GRIP1: variants seen among roughly 807,000 people sequenced by gnomAD.
The protein encoded by GRIP1 is glutamate receptor interacting protein 1.
In GRIP1, 45 loss-of-function variants were observed where a neutral mutation model predicts 129.9. The observed-to-expected ratio is 0.35, with a 90% CI of 0.27 to 0.44. The LOEUF is 0.44. GRIP1 is among the 20% of genes least tolerant of loss of function. GRIP1 has a pLI of 1.00. For synonymous variants in GRIP1, 530 were observed against 520.8 expected (o/e 1.02, Z -0.24); for missense variants, 1,196 against 1,396.8 (o/e 0.86, Z 2.29).
At chr12:66,449,736 T>C (rs2058725302) in intron 11 of GRIP1, among the ~76,000 whole-genome samples, 1 of 152,234 alleles carries the variant, frequency 6.6e-6, no homozygotes, top group Non-Finnish European at 1.5e-5. Context: ...AATAAGGATC[T>C]GGAGAGTATG....
intron 1 of GRIP1, among the ~76,000 whole-genome samples, chr12:66,785,343 C>T (rs5008779): frequency 0.18 from 12,981 of 70,946 alleles, 1,526 homozygotes; most frequent in Middle Eastern, 0.21. Flanking sequence ...TACATACATA[C>T]ATATATATAT....
intron 24 of GRIP1, among the ~76,000 whole-genome samples, chr12:66,352,215 G>A (rs182946401): frequency 3.3e-5 from 5 of 152,252 alleles, no homozygotes; most frequent in Admixed American, 6.5e-5. Flanking sequence ...GTTGTACTGC[G>A]AACCAAGAAA....
chr12:66,743,588 C>CTT (rs150045918), intron 1 of GRIP1, among the ~76,000 whole-genome samples: 10 of 128,676 alleles, frequency 7.8e-5, no homozygotes, highest in East Asian at 2.5e-4. Context: ...CGTAAATAGG[C>CTT]TTTTTTTTTG....
At chr12:66,929,520 G>C (rs1008184447) in intron 1 of GRIP1, among the ~76,000 whole-genome samples, 1 of 152,112 alleles carries the variant, frequency 6.6e-6, no homozygotes, top group Non-Finnish European at 1.5e-5. Flanking sequence ...ACCAAAATTG[G>C]AGGTTCACAT....
chr12:66,770,862 G>A (rs1169406890), intron 1 of GRIP1, among the ~76,000 whole-genome samples: 1 of 152,130 alleles, frequency 6.6e-6, no homozygotes, highest in East Asian at 1.9e-4. Context: ...TTGGGAGGCC[G>A]AGGCAGGTGG....
chr12:66,660,170 G>A (rs2033411610), intron 1 of GRIP1, among the ~76,000 whole-genome samples: 1 of 152,130 alleles, frequency 6.6e-6, no homozygotes, highest in Non-Finnish European at 1.5e-5. Context: ...TCAATATTGT[G>A]TTCACGTTAG....
intron 5 of GRIP1, among the ~76,000 whole-genome samples, chr12:66,525,245 C>A (rs2061183160): frequency 6.6e-6 from 1 of 152,126 alleles, no homozygotes; most frequent in Non-Finnish European, 1.5e-5. Context: ...AATTTTAGAC[C>A]AATATGCTTG....
chr12:66,920,708 G>A (rs1424359069), intron 1 of GRIP1, among the ~76,000 whole-genome samples: 1 of 152,168 alleles, frequency 6.6e-6, no homozygotes, highest in African/African-American at 2.4e-5. Flanking sequence ...TAGCCCAAAA[G>A]GCTTTCCTTA....
At chr12:66,766,803 C>A (rs1263176334) in intron 1 of GRIP1, among the ~76,000 whole-genome samples, 1 of 152,096 alleles carries the variant, frequency 6.6e-6, no homozygotes, top group Non-Finnish European at 1.5e-5. Context: ...TAGTGGAATT[C>A]CAACCTGCTC....
chr12:66,765,801 T>G (rs1566010909), intron 1 of GRIP1, among the ~76,000 whole-genome samples: 1 of 152,232 alleles, frequency 6.6e-6, no homozygotes, highest in African/African-American at 2.4e-5. Flanking sequence ...CCATCCTTGC[T>G]CTATTTCAGT....
chr12:66,859,284 CAAAAAAA>C (rs2040066866), intron 1 of GRIP1, among the ~76,000 whole-genome samples: 7 of 9,030 alleles, frequency 7.8e-4, no homozygotes, highest in Admixed American at 2.5e-3. Flanking sequence ...AACAAAAAAA[CAAAAAAA>C]CAAAAAAACA....
intron 2 of GRIP1, among the ~76,000 whole-genome samples, chr12:66,583,966 T>A (rs2063509060): frequency 7.2e-6 from 1 of 139,774 alleles, no homozygotes. Flanking sequence ...CACGTATGTT[T>A]ATTGCGGCAT....
intron 1 of GRIP1, among the ~76,000 whole-genome samples, chr12:66,937,528 C>T (rs2041506427): frequency 6.6e-6 from 1 of 152,224 alleles, no homozygotes; most frequent in African/African-American, 2.4e-5. Flanking sequence ...TTAAGTAATA[C>T]ACAAGCTCAT....
At chr12:66,765,070 A>T (rs1201237420) in intron 1 of GRIP1, among the ~76,000 whole-genome samples, 1 of 152,188 alleles carries the variant, frequency 6.6e-6, no homozygotes, top group African/African-American at 2.4e-5. Flanking sequence ...TGCAGCTTCA[A>T]CAGAGTGCAG....
chr12:66,467,016 A>C (rs1220115574), intron 7 of GRIP1, among the ~76,000 whole-genome samples: 1 of 152,212 alleles, frequency 6.6e-6, no homozygotes, highest in Admixed American at 6.5e-5. Flanking sequence ...TAAAGATGAC[A>C]ATATCCAGGC....
chr12:67,062,887 A>T (rs2043558798), intron 1 of GRIP1, among the ~76,000 whole-genome samples: 1 of 152,198 alleles, frequency 6.6e-6, no homozygotes, highest in Non-Finnish European at 1.5e-5. Flanking sequence ...TAGACTTTTT[A>T]AAAATGTTTT....
intron 1 of GRIP1, among the ~76,000 whole-genome samples, chr12:66,830,114 TC>T (rs2039490677): frequency 6.6e-6 from 1 of 152,082 alleles, no homozygotes; most frequent in Middle Eastern, 3.2e-3. Context: ...TTATAACACA[TC>T]AGATACCATT....
chr12:66,875,287 T>C (rs1466706023), intron 1 of GRIP1, among the ~76,000 whole-genome samples: 3 of 152,074 alleles, frequency 2.0e-5, no homozygotes, highest in Non-Finnish European at 2.9e-5. Context: ...TGCACTGCCA[T>C]CATCAGAAAG....
intron 1 of GRIP1, among the ~76,000 whole-genome samples, chr12:66,873,302 G>C (rs2040327935): frequency 6.6e-6 from 1 of 152,054 alleles, no homozygotes; most frequent in African/African-American, 2.4e-5. Context: ...TCCTGATGGG[G>C]AAGTGGCAAA....
Sources: gnomAD v4.1 joint callset for allele counts (sites outside exome capture counted in the v4.1 genomes callset) on GRCh38, gnomAD v4.1.1 for gene constraint, MANE v1.5 for transcripts, NCBI Gene and HGNC (gene_info 2026-07-23, HGNC 2026-07-21) for gene names.